The following SVOPL variants were observed in gnomAD, a reference collection of about 807,000 sequenced individuals.
SVOPL encodes putative transporter SVOPL.
SVOPL carries 60 observed loss-of-function variants against 61.0 expected under a neutral mutation model. The observed-to-expected ratio is 0.98, with a 90% CI of 0.80 to 1.22. SVOPL has a LOEUF of 1.22. SVOPL is among the 50% of genes most tolerant of loss of function. The pLI is 0.00. For missense variants in SVOPL, 662 were observed against 643.9 expected (o/e 1.03, Z -0.30); for synonymous variants, 279 against 250.0 (o/e 1.12, Z -1.09).
chr7:138,648,995 C>A lies in SVOPL; in HGVS notation c.660+17G>T. ...GCAGGAGGAGGGGACAGGAAGGAGCCACAAGTGCTTCCCCACCTTGAAGGC... is the reference window on the plus strand; with the variant it reads ...GCAGGAGGAGGGGACAGGAAGGAGCAACAAGTGCTTCCCCACCTTGAAGGC... On this transcript the variant is annotated intron_variant, in intron 8 of 15. Transcript: ENST00000674285. 1.9e-6 allele frequency: 3 copies of A among 1,613,604 alleles called. No individual in the cohort carries two copies. Among genetic ancestry groups the A allele is most frequent in the Non-Finnish European group, 1.7e-6 (2 of 1,179,782 alleles).
At chr7:138,626,228 T>A (rs115893782) in intron 12 of SVOPL, 178 bp from the exon 13 acceptor site, 5 of 604,760 alleles carry the variant, frequency 8.3e-6, no homozygotes, top group Non-Finnish European at 1.5e-5. Flanking sequence ...CTCCTTCCAA[T>A]CTTACTCCCA....
chr7:138,667,986 G>A (rs1802315656), intron 4 of SVOPL, among the ~76,000 whole-genome samples: 1 of 152,148 alleles, frequency 6.6e-6, no homozygotes, highest in African/African-American at 2.4e-5. Flanking sequence ...TAGAAATTGT[G>A]GTTTAGGAGT....
intron 15 of SVOPL, among the ~76,000 whole-genome samples, chr7:138,596,188 T>TAAAAAAA (rs34972084): frequency 1.4e-4 from 17 of 120,286 alleles, no homozygotes; most frequent in South Asian, 5.5e-4. Flanking sequence ...GACTCTGTCT[T>TAAAAAAA]AAAAAAAAAA....
chr7:138,643,351 G>C (rs533155419), intron 9 of SVOPL, among the ~76,000 whole-genome samples: 1 of 150,186 alleles, frequency 6.7e-6, no homozygotes, highest in African/African-American at 2.5e-5. Flanking sequence ...CTTGAACCAG[G>C]GAGTCGGAAG....
intron 1 of SVOPL, among the ~76,000 whole-genome samples, chr7:138,682,968 C>CA (rs762982090): frequency 0.21 from 20,086 of 95,170 alleles, 1,997 homozygotes; most frequent in Middle Eastern, 0.34. Flanking sequence ...AACTCCATCT[C>CA]AAAAAAAAAA....
chr7:138,697,855 C>A (rs1260982834), intron 1 of SVOPL, among the ~76,000 whole-genome samples: 3 of 151,470 alleles, frequency 2.0e-5, no homozygotes, highest in Non-Finnish European at 4.4e-5. Context: ...GAAGATAATC[C>A]CAATAGATTC....
At chr7:138,641,229 T>TAA (rs5887892) in intron 9 of SVOPL, among the ~76,000 whole-genome samples, 2 of 130,694 alleles carry the variant, frequency 1.5e-5, no homozygotes, top group Non-Finnish European at 3.2e-5. Context: ...CTGAAATTAT[T>TAA]AAAAAAAAAA....
intron 9 of SVOPL, among the ~76,000 whole-genome samples, chr7:138,638,231 C>T (rs1404530363): frequency 6.9e-6 from 1 of 145,152 alleles, no homozygotes; most frequent in Non-Finnish European, 1.5e-5. Flanking sequence ...CGAGATGGCG[C>T]CACTGTACTC....
At chr7:138,606,133 C>A (rs1208028323) in intron 14 of SVOPL, among the ~76,000 whole-genome samples, 4 of 152,050 alleles carry the variant, frequency 2.6e-5, no homozygotes, top group African/African-American at 9.7e-5. Flanking sequence ...ACGTCCTGGT[C>A]CTCATGGCGA....
At chr7:138,599,066 A>G (rs1156785466) in intron 14 of SVOPL, among the ~76,000 whole-genome samples, 2 of 145,382 alleles carry the variant, frequency 1.4e-5, no homozygotes, top group Non-Finnish European at 3.0e-5. Context: ...TAGAGGCTGC[A>G]GTGTTCTATA....
At chr7:138,627,256 A>G (rs1799932387) in intron 12 of SVOPL, 94 bp downstream of exon 12, 1 of 920,220 alleles carries the variant, frequency 1.1e-6, no homozygotes, top group East Asian at 2.7e-5. Context: ...CCTGGGTGAA[A>G]GTGACTTGTC....
chr7:138,657,416 A>T (rs1801800824), intron 6 of SVOPL, among the ~76,000 whole-genome samples: 1 of 152,132 alleles, frequency 6.6e-6, no homozygotes, highest in Non-Finnish European at 1.5e-5. Flanking sequence ...GGCTGGGATT[A>T]TAGGGGTGAG....
Position 138,628,363 on chromosome 7 carries a change from C to A in SVOPL, c.864G>T (p.Trp288Cys). The change falls in exon 11 of 16, where the codon TGG becomes TGT. Residue 288 changes from tryptophan (W) to cysteine (C), a missense_variant and splice_region_variant. Trp to Cys is a radical substitution (Grantham distance 215). Transcript: ENST00000674285. ...CATAGTAGGCAAAAGAGATTCCAAG[C>A]CTGGAAGAGAGAAAACAAAGTCACT... ...LRTTLQIWVI[W>C]LGISFAYYGV... 6.2e-7 allele frequency: 1 copy of A among 1,613,760 alleles called. No homozygotes were observed.
At chr7:138,615,991 A>AAC (rs1799282244) in intron 14 of SVOPL, among the ~76,000 whole-genome samples, 1 of 150,980 alleles carries the variant, frequency 6.6e-6, no homozygotes, top group Non-Finnish European at 1.5e-5. Flanking sequence ...AAAATTTTTA[A>AAC]ATAAAATAAA....
chr7:138,641,544 G>A (rs946026584), intron 9 of SVOPL, among the ~76,000 whole-genome samples: 7 of 151,412 alleles, frequency 4.6e-5, no homozygotes, highest in African/African-American at 7.3e-5. Context: ...GATGGCAGGC[G>A]CCTGTAATCC....
intron 14 of SVOPL, among the ~76,000 whole-genome samples, chr7:138,597,430 T>C (rs1397941295): frequency 6.6e-6 from 1 of 152,136 alleles, no homozygotes; most frequent in African/African-American, 2.4e-5. Context: ...TAGCTTCTCT[T>C]ATGATACACA....
intron 1 of SVOPL, among the ~76,000 whole-genome samples, chr7:138,691,439 C>A (rs296913): frequency 0.49 from 74,102 of 151,998 alleles, 19,010 homozygotes; most frequent in African/African-American, 0.64. Context: ...TAGAGGGGCA[C>A]TAAAACAATT....
intron 6 of SVOPL, among the ~76,000 whole-genome samples, chr7:138,658,253 G>C (rs934282543): frequency 1.3e-5 from 2 of 152,022 alleles, no homozygotes; most frequent in African/African-American, 4.8e-5. Context: ...ATTAAAGATG[G>C]AGTCACTCTA....
At chr7:138,666,138 T>TG (rs549236859) in intron 4 of SVOPL, among the ~76,000 whole-genome samples, 187 of 152,382 alleles carry the variant, frequency 1.2e-3, no homozygotes, top group African/African-American at 4.2e-3. Context: ...AAATAACTTA[T>TG]GTAGCCTTCC....
Sources: allele counts gnomAD v4.1 joint callset (sites outside exome capture counted in the v4.1 genomes callset), GRCh38; gene constraint gnomAD v4.1.1; transcripts MANE v1.5; gene names NCBI Gene and HGNC (gene_info 2026-07-23, HGNC 2026-07-21).